FOXK1: variants seen among roughly 807,000 people sequenced by gnomAD.
The protein encoded by FOXK1 is forkhead box K1.
A neutral mutation model predicts 51.9 loss-of-function variants in FOXK1; 19 were observed. The ratio of observed to expected loss-of-function variants is 0.37; its 90% CI spans 0.26 to 0.54. The LOEUF (loss-of-function observed/expected upper bound fraction) is 0.54. FOXK1 is among the 20% of genes least tolerant of loss of function. FOXK1 has a pLI of 0.87. For missense variants in FOXK1, 870 were observed against 1,032.7 expected (o/e 0.84, Z 2.16); for synonymous variants, 537 against 482.6 (o/e 1.11, Z -1.48).
chr7:4,689,064 G>A (rs1779857877), intron 1 of FOXK1, among the ~76,000 whole-genome samples: 1 of 150,786 alleles, frequency 6.6e-6, no homozygotes, highest in African/African-American at 2.4e-5. Context: ...GCAACCCCCT[G>A]CCTCCCAGGT....
At chr7:4,697,388 G>A (rs939555692) in intron 1 of FOXK1, among the ~76,000 whole-genome samples, 20 of 152,148 alleles carry the variant, frequency 1.3e-4, no homozygotes, top group Admixed American at 1.3e-4. Context: ...GCAGCCTGTG[G>A]GCCAGACCCT....
intron 1 of FOXK1, among the ~76,000 whole-genome samples, chr7:4,725,411 A>T (rs949227575): frequency 6.6e-6 from 1 of 152,168 alleles, no homozygotes; most frequent in African/African-American, 2.4e-5. Flanking sequence ...CTGTTGCCCA[A>T]AGTGAAACCG....
intron 1 of FOXK1, among the ~76,000 whole-genome samples, chr7:4,685,714 G>A (rs1339178270): frequency 2.0e-5 from 3 of 151,770 alleles, no homozygotes; most frequent in Non-Finnish European, 4.4e-5. Context: ...AGGCCAAGGC[G>A]GGTGGATCAC....
chr7:4,688,543 T>C (rs1261277785), intron 1 of FOXK1, among the ~76,000 whole-genome samples: 1 of 151,900 alleles, frequency 6.6e-6, no homozygotes, highest in African/African-American at 2.4e-5. Flanking sequence ...TTACAGGCGC[T>C]CGCCACGACA....
At chr7:4,727,819 G>T (rs1780400033) in intron 1 of FOXK1, among the ~76,000 whole-genome samples, 2 of 152,240 alleles carry the variant, frequency 1.3e-5, no homozygotes, top group South Asian at 4.1e-4. Flanking sequence ...TAACTTGTTT[G>T]CCAGAGAACC....
In FOXK1 at chr7:4,743,254, A is replaced by T. The variant is rs547605546; in HGVS notation, c.746+2231A>T. Among the ~76,000 whole-genome samples the T allele has an allele frequency of 1.1e-4, 17 of 152,198 alleles. No individual in the cohort carries two copies. Among genetic ancestry groups the T allele is most frequent in the Non-Finnish European group, 2.4e-4 (16 of 68,038 alleles). The stretch of plus-strand genomic sequence containing the variant: ...CAATTTTGTGAATATCCTAAAAGTC[A>T]CTTTAAAGAGTGAACTGGCCGGGCG... On this transcript the variant is annotated intron_variant, in intron 2 of 8. Transcript: ENST00000328914. This position sits in a 1 kb window ranked among gnomAD's most constrained non-coding sequence, Gnocchi z 5.3.
rs947550623 is a variant in FOXK1, at chr7:4,747,547, G to T, written c.746+6524G>T. 1.3e-5 allele frequency among the ~76,000 whole-genome samples: 2 copies of T among 152,080 alleles called. No homozygotes were observed. Among genetic ancestry groups the T allele is most frequent in the East Asian group, 3.9e-4 (2 of 5,194 alleles). Reference sequence around the variant, plus strand: ...GGGTTGATTTTGTTTTTGTTTGTTTGTTTTTTGGGACAGGGTCTCACTCTA... The same window carrying T: ...GGGTTGATTTTGTTTTTGTTTGTTTTTTTTTTGGGACAGGGTCTCACTCTA... On this transcript the variant is annotated intron_variant, in intron 2 of 8. Transcript: ENST00000328914. This position sits in a 1 kb window ranked among gnomAD's most constrained non-coding sequence, Gnocchi z 9.2.
chr7:4,761,925 C>T lies in FOXK1; in HGVS notation c.1922-259C>T, dbSNP rs542772670. Among the ~76,000 whole-genome samples the T allele has an allele frequency of 2.0e-5, 3 of 152,022 alleles. No individual in the cohort carries two copies. The highest frequency in any genetic ancestry group is 7.2e-5 in the African/African-American group (3 of 41,468). ...ATCTGTGTAAAGGAGTGAGGCAAGC[C>T]GTCGATGTCCAGCAGGATCTAGACA... On this transcript the variant is annotated intron_variant, in intron 8 of 8. Coordinates refer to ENST00000328914, the MANE Select transcript of FOXK1 (RefSeq NM_001037165.2). The surrounding 1 kb of genome is among the most constrained non-coding windows in gnomAD (Gnocchi z 6.2).
chr7:4,682,665 C>G lies in FOXK1; in HGVS notation c.357C>G (p.Arg119=). The stretch of plus-strand genomic sequence containing the variant: ...GCCGCGAGTTCGAGTTCCTCATGCG[C>G]CAGCCCAGCGTCACCATCGGCCGCA... ...LEGREFEFLM[R]QPSVTIGRNS... is the part of the protein sequence containing the mutation. Residue 119 remains arginine (R), a synonymous_variant, in exon 1 of 9, where the codon CGC becomes CGG. Coordinates refer to ENST00000328914, the MANE Select transcript of FOXK1 (RefSeq NM_001037165.2). The surrounding 1 kb of genome is among the most constrained non-coding windows in gnomAD (Gnocchi z 7.6). 1 of 1,586,998 alleles carries G rather than the reference C, an allele frequency of 6.3e-7. No individual in the cohort carries two copies. The highest frequency in any genetic ancestry group is 8.5e-7 in the Non-Finnish European group (1 of 1,172,632).
intron 2 of FOXK1, among the ~76,000 whole-genome samples, chr7:4,746,712 A>G (rs1052716945): frequency 2.6e-5 from 4 of 152,152 alleles, no homozygotes; most frequent in African/African-American, 9.7e-5. Flanking sequence ...TAAAAAACAC[A>G]AGTTTGTGGC....
In FOXK1 at chr7:4,755,939, A is replaced by C. The variant is rs1039986102; in HGVS notation, c.1050+556A>C. ...GATTTTTGTGCTTGCTGTGCCTCAC[A>C]ATCCCACGTTAAGTTGGAAAAATGT... is the stretch of plus-strand genomic sequence containing the variant. On this transcript the variant is annotated intron_variant, in intron 4 of 8. Coordinates refer to ENST00000328914, the MANE Select transcript of FOXK1 (RefSeq NM_001037165.2). The surrounding 1 kb of genome is among the most constrained non-coding windows in gnomAD (Gnocchi z 6.6). 3.9e-5 allele frequency among the ~76,000 whole-genome samples: 6 copies of C among 152,194 alleles called. No homozygotes were observed. In the East Asian group the frequency reaches 1.2e-3, roughly 29 times the overall value.
At position 4,747,012 on chromosome 7, in the gene FOXK1, T is replaced by G. The variant is rs1780711489; in HGVS notation, c.746+5989T>G. 6.6e-6 allele frequency among the ~76,000 whole-genome samples: 1 copy of G among 152,236 alleles called. No individual in the cohort carries two copies. Among genetic ancestry groups the G allele is most frequent in the Admixed American group, 6.5e-5 (1 of 15,274 alleles). On this transcript the variant is annotated intron_variant, in intron 2 of 8. Transcript: ENST00000328914. The surrounding 1 kb of genome is among the most constrained non-coding windows in gnomAD (Gnocchi z 9.2). ...GGGACTTTCTGTCTTCCTTTTATTT[T>G]TCCCTCCTGCCTAGATCCCTTCGAG...
chr7:4,696,240 C>G (rs1583182662), intron 1 of FOXK1, among the ~76,000 whole-genome samples: 1 of 151,986 alleles, frequency 6.6e-6, no homozygotes, highest in East Asian at 1.9e-4. Flanking sequence ...CGCAAATCAT[C>G]TAGGAGATTC....
At chr7:4,725,596 T>C (rs1437788715) in intron 1 of FOXK1, among the ~76,000 whole-genome samples, 1 of 152,230 alleles carries the variant, frequency 6.6e-6, no homozygotes, top group Non-Finnish European at 1.5e-5. Context: ...GAACGGACTC[T>C]CCGGGCCTCG....
At chr7:4,739,980 T>C (rs10277793) in intron 1 of FOXK1, among the ~76,000 whole-genome samples, 5,652 of 152,046 alleles carry the variant, frequency 0.037, 322 homozygotes, top group African/African-American at 0.13. Flanking sequence ...TTATATCTCT[T>C]CTGTTCTCAC....
intron 1 of FOXK1, among the ~76,000 whole-genome samples, chr7:4,714,064 G>A (rs1376211038): frequency 1.3e-5 from 2 of 152,142 alleles, no homozygotes; most frequent in Non-Finnish European, 2.9e-5. Context: ...GACCTCGGGT[G>A]ATCCACCCAC....
intron 2 of FOXK1, among the ~76,000 whole-genome samples, chr7:4,751,754 A>G (rs1275153620): frequency 6.6e-6 from 1 of 152,216 alleles, no homozygotes; most frequent in Non-Finnish European, 1.5e-5. Context: ...AAACCTCAGA[A>G]GCTGCGCTGT....
In FOXK1 at chr7:4,707,359, G is replaced by A. The variant is rs931565291; in HGVS notation, c.560+24491G>A. On this transcript the variant is annotated intron_variant, in intron 1 of 8. Coordinates refer to ENST00000328914, the MANE Select transcript of FOXK1 (RefSeq NM_001037165.2). This position sits in a 1 kb window ranked among gnomAD's most constrained non-coding sequence, Gnocchi z 4.1. ...GGGATAAACAGATGGGACGGAGAGT[G>A]CAATTTACATAACAATTAAGCTAGT... 1.3e-5 allele frequency among the ~76,000 whole-genome samples: 2 copies of A among 152,214 alleles called. No homozygotes were observed. The highest frequency in any genetic ancestry group is 4.8e-5 in the African/African-American group (2 of 41,462).
In FOXK1 at chr7:4,731,040, T is replaced by G. The variant is rs1022555011; in HGVS notation, c.561-9798T>G. On this transcript the variant is annotated intron_variant, in intron 1 of 8. Coordinates refer to ENST00000328914, the MANE Select transcript of FOXK1 (RefSeq NM_001037165.2). The surrounding 1 kb of genome is among the most constrained non-coding windows in gnomAD (Gnocchi z 5.3). ...ACCATTTGCTGAACAGTCTTATTTC[T>G]CGGAGGAGTTTAAGCAAACACTGCA... 2.0e-5 allele frequency among the ~76,000 whole-genome samples: 3 copies of G among 152,176 alleles called. No homozygotes were observed. The highest frequency in any genetic ancestry group is 2.9e-5 in the Non-Finnish European group (2 of 68,020).
Sources: gnomAD v4.1 joint callset for allele counts (sites outside exome capture counted in the v4.1 genomes callset) on GRCh38, gnomAD v4.1.1 for gene constraint, Gnocchi (gnomAD v3.1) non-coding constraint, MANE v1.5 for transcripts, NCBI Gene and HGNC (gene_info 2026-07-23, HGNC 2026-07-21) for gene names.